The following RFTN2 variants were observed in gnomAD, a reference collection of about 807,000 sequenced individuals.
The protein encoded by RFTN2 is raftlin-2.
RFTN2 carries 34 observed loss-of-function variants against 52.7 expected under a neutral mutation model. The observed-to-expected ratio is 0.64, with a 90% CI of 0.49 to 0.86. RFTN2 has a LOEUF of 0.86. RFTN2 is among the 40% of genes least tolerant of loss of function. The probability of loss-of-function intolerance (pLI) is 0.00; values close to 1 mark genes in which losing one functional copy is unlikely to be tolerated. For missense variants in RFTN2, 536 were observed against 600.1 expected, an observed-to-expected ratio of 0.89 and a Z score of 1.12; for synonymous variants, 203 against 217.7, an observed-to-expected ratio of 0.93 and a Z score of 0.59.
chr2:197,656,767 TCTAA>T (rs1480881463), intron 1 of RFTN2, among the ~76,000 whole-genome samples: 2 of 152,216 alleles, frequency 1.3e-5, no homozygotes, highest in Non-Finnish European at 1.5e-5. Flanking sequence ...ATCTTGGGTC[TCTAA>T]CTGAGACTTA....
At position 197,573,962 on chromosome 2, in the gene RFTN2, C is replaced by T. The variant is rs148425790; in HGVS notation, c.1234-1682G>A. The stretch of plus-strand genomic sequence containing the variant: ...GGTTTGGGAACCTCTGCCTAGATTT[C>T]AGAGGATGTAAGGAAACACCTGGAT... On this transcript the variant is annotated intron_variant, in intron 8 of 8. Coordinates refer to ENST00000295049, the MANE Select transcript of RFTN2 (RefSeq NM_144629.3). 5.6e-3 allele frequency among the ~76,000 whole-genome samples: 852 copies of T among 152,320 alleles called. 3 individuals carry two copies. The highest frequency in any genetic ancestry group is 0.01 in the Middle Eastern group (3 of 294).
intron 5 of RFTN2, among the ~76,000 whole-genome samples, chr2:197,630,203 T>A (rs978749348): frequency 1.2e-4 from 9 of 73,002 alleles, no homozygotes; most frequent in African/African-American, 7.3e-4. Context: ...TTGGATCAGT[T>A]AAGGTAATAA....
intron 5 of RFTN2, among the ~76,000 whole-genome samples, chr2:197,626,912 C>T (rs1454447798): frequency 6.6e-6 from 1 of 152,112 alleles, no homozygotes; most frequent in East Asian, 1.9e-4. Context: ...GCCACCATGC[C>T]CAGCCATAAT....
intron 8 of RFTN2, among the ~76,000 whole-genome samples, chr2:197,594,256 C>T (rs766753181): frequency 7.9e-5 from 12 of 151,828 alleles, no homozygotes; most frequent in Admixed American, 1.3e-4. Flanking sequence ...CCTCATGATC[C>T]GCCCACTTCC....
At position 197,617,896 on chromosome 2, in the gene RFTN2, T is replaced by G. The variant is rs770659607; in HGVS notation, c.954A>C (p.Glu318Asp). 2.5e-6 allele frequency: 4 copies of G among 1,609,480 alleles called. No homozygotes were observed. The highest frequency in any genetic ancestry group is 2.2e-5 in the South Asian group (2 of 90,592). ...CTTCTTCTTCATAGATAAAAAATCC[T>G]TCCAAAGATTTAGGCAAATGTTCCC... ...SKGEHLPKSLEGFFIYEEEGS... is the reference protein window; with the variant it reads ...SKGEHLPKSLDGFFIYEEEGS... Residue 318 changes from glutamate (E) to aspartate (D), a missense_variant, in exon 6 of 9, where the codon GAA becomes GAC. By Grantham distance (45) the Glu-to-Asp change is conservative (BLOSUM62 2). Coordinates refer to ENST00000295049, the MANE Select transcript of RFTN2 (RefSeq NM_144629.3).
chr2:197,632,737 T>G (rs1439292399), intron 4 of RFTN2, among the ~76,000 whole-genome samples: 2 of 152,148 alleles, frequency 1.3e-5, no homozygotes, highest in African/African-American at 4.8e-5. Flanking sequence ...TGCTCCCAGT[T>G]ATTTCTTCAG....
chr2:197,586,301 C>T (rs2087597470), intron 8 of RFTN2, among the ~76,000 whole-genome samples: 2 of 152,088 alleles, frequency 1.3e-5, no homozygotes, highest in African/African-American at 4.8e-5. Context: ...AAAATCGAAC[C>T]TCCCCCTCTA....
At chr2:197,592,357 A>AT (rs1399658756) in intron 8 of RFTN2, among the ~76,000 whole-genome samples, 1 of 152,088 alleles carries the variant, frequency 6.6e-6, no homozygotes, top group African/African-American at 2.4e-5. Flanking sequence ...CACCACGCCC[A>AT]GCTAATTGTG....
At chr2:197,580,212 C>A (rs2087483547) in intron 8 of RFTN2, among the ~76,000 whole-genome samples, 1 of 152,166 alleles carries the variant, frequency 6.6e-6, no homozygotes. Flanking sequence ...TCAAACCCCA[C>A]AACAGAACTT....
In RFTN2 at chr2:197,605,451, A is replaced by G. The variant is rs535734767; in HGVS notation, c.1155-9382T>C. On this transcript the variant is annotated intron_variant, in intron 7 of 8. Coordinates refer to ENST00000295049, the MANE Select transcript of RFTN2 (RefSeq NM_144629.3). ...AGGATGATCTCGATCTCCTGACCTC[A>G]TGATCCGCCCGCCTTGGCCTCCCAA... Among the ~76,000 whole-genome samples the G allele has an allele frequency of 2.6e-3, 391 of 151,966 alleles. 2 individuals carry two copies. The highest frequency in any genetic ancestry group is 3.1e-3 in the Admixed American group (47 of 15,262).
intron 1 of RFTN2, among the ~76,000 whole-genome samples, chr2:197,673,121 C>T (rs1189749853): frequency 6.6e-6 from 1 of 152,100 alleles, no homozygotes; most frequent in Admixed American, 6.6e-5. Context: ...GAGACAGGCT[C>T]ATCATGAGCA....
At chr2:197,627,191 C>T (rs191529405) in intron 5 of RFTN2, among the ~76,000 whole-genome samples, 9 of 152,210 alleles carry the variant, frequency 5.9e-5, no homozygotes, top group Admixed American at 2.6e-4. Context: ...TGTGTTTCTC[C>T]GGCCTAGAAT....
At chr2:197,618,771 G>A (rs1369703455) in intron 5 of RFTN2, among the ~76,000 whole-genome samples, 3 of 150,342 alleles carry the variant, frequency 2.0e-5, no homozygotes, top group Non-Finnish European at 4.4e-5. Context: ...GTCTCTGCCC[G>A]GACGCCCCGT....
rs1267405442 is a variant in RFTN2, at chr2:197,572,192, G to T, written c.1322C>A (p.Ala441Glu). ...IGLDTTSSQPAESRHLPEECR... is the reference protein window; with the variant it reads ...IGLDTTSSQPEESRHLPEECR... ...CTCCTCAGGCAGGTGTCTGCTCTCT[G>T]CAGGTTGTGACGAGGTTGTGTCTAA... The change falls in exon 9 of 9, where the codon GCA becomes GAA. Residue 441 changes from alanine (A) to glutamate (E), a missense_variant. Physicochemically the swap from Ala to Glu is moderately radical, Grantham distance 107. Transcript: ENST00000295049. The T allele has an allele frequency of 6.2e-7, 1 of 1,614,132 alleles. No homozygotes were observed. The highest frequency in any genetic ancestry group is 8.5e-7 in the Non-Finnish European group (1 of 1,180,050).
At chr2:197,647,899 GTTC>G (rs1165163923) in intron 1 of RFTN2, among the ~76,000 whole-genome samples, 1 of 152,088 alleles carries the variant, frequency 6.6e-6, no homozygotes, top group African/African-American at 2.4e-5. Context: ...TTGAGAAAAT[GTTC>G]TTAATGATCC....
Position 197,631,182 on chromosome 2 carries a change from C to T in RFTN2, c.757G>A (p.Asp253Asn). 6.2e-7 allele frequency: 1 copy of T among 1,613,446 alleles called. No homozygotes were observed. The highest frequency in any genetic ancestry group is 8.5e-7 in the Non-Finnish European group (1 of 1,179,740). ...NKLYTVFNAF[D>N]DDSTSWAYQE... ...TAGGCCCAGGAGGTTGAATCATCATCAAAAGCATTGAAGACTGTATACAAT... is the reference window on the plus strand; with the variant it reads ...TAGGCCCAGGAGGTTGAATCATCATTAAAAGCATTGAAGACTGTATACAAT... Residue 253 changes from aspartate to asparagine, a missense_variant, in exon 5 of 9, where the codon GAT becomes AAT. Physicochemically the swap from Asp to Asn is conservative, Grantham distance 23. Transcript: ENST00000295049.
intron 3 of RFTN2, among the ~76,000 whole-genome samples, chr2:197,641,211 A>G (rs566445290): frequency 6.6e-6 from 1 of 152,366 alleles, no homozygotes; most frequent in South Asian, 2.1e-4. Context: ...TGCCCAGTCA[A>G]TGGGGGCAAC....
At chr2:197,638,180 A>C (rs1216604549) in intron 3 of RFTN2, among the ~76,000 whole-genome samples, 2 of 133,190 alleles carry the variant, frequency 1.5e-5, no homozygotes, top group Non-Finnish European at 3.3e-5. Flanking sequence ...ATTTTGGAAT[A>C]GGTGTGGTGT....
chr2:197,630,916 T>C, intron 5 of RFTN2, 95 bp downstream of exon 5: 1 of 801,508 alleles, frequency 1.2e-6, no homozygotes, highest in Non-Finnish European at 2.1e-6. Flanking sequence ...TATCTGTCCT[T>C]TCAGCCATAG....
Sources: gnomAD v4.1 joint callset for allele counts (sites outside exome capture counted in the v4.1 genomes callset) on GRCh38, gnomAD v4.1.1 for gene constraint, MANE v1.5 for transcripts, NCBI Gene and HGNC (gene_info 2026-07-23, HGNC 2026-07-21) for gene names.